The following VWA8 variants were observed in gnomAD, a reference collection of about 807,000 sequenced individuals.
VWA8 encodes von Willebrand factor A domain containing 8.
In VWA8, 221 loss-of-function variants were observed where a neutral mutation model predicts 241.5. That is an observed-to-expected ratio of 0.91 (90% CI 0.82 to 1.02). The LOEUF (loss-of-function observed/expected upper bound fraction) is 1.02, where lower values mean the gene tolerates loss of function less well. Among genes scored for constraint, VWA8 ranks in the 50% least tolerant of loss-of-function variants. The pLI, the probability that VWA8 is intolerant of heterozygous loss-of-function variation, is 0.00. For synonymous variants in VWA8, 852 were observed against 827.1 expected (o/e 1.03, Z -0.52); for missense variants, 2,322 against 2,328.7 (o/e 1.00, Z 0.06).
At chr13:41,949,794 T>C in intron 2 of VWA8, 142 bp downstream of exon 2, 2 of 456,884 alleles carry the variant, frequency 4.4e-6, no homozygotes, top group Non-Finnish European at 7.7e-6. Context: ...TAAAAGAAGA[T>C]TGGCATAATA....
intron 2 of VWA8, among the ~76,000 whole-genome samples, chr13:41,941,316 C>T (rs988283223): frequency 2.6e-5 from 4 of 152,142 alleles, no homozygotes; most frequent in Admixed American, 2.0e-4. Context: ...CTTCAGCTGA[C>T]CCCAGATATA....
intron 37 of VWA8, among the ~76,000 whole-genome samples, chr13:41,624,801 G>A (rs893309911): frequency 3.9e-5 from 6 of 151,954 alleles, no homozygotes; most frequent in Non-Finnish European, 5.9e-5. Context: ...CATTCCACGC[G>A]GCACTGGAAG....
intron 17 of VWA8, among the ~76,000 whole-genome samples, chr13:41,801,538 G>A (rs1479514325): frequency 6.6e-6 from 1 of 152,122 alleles, no homozygotes; most frequent in Non-Finnish European, 1.5e-5. Context: ...TAGATCATAT[G>A]AAAAGAGACG....
At chr13:41,692,696 T>C (rs1185429098) in intron 30 of VWA8, among the ~76,000 whole-genome samples, 166 bp downstream of exon 30, 3 of 152,134 alleles carry the variant, frequency 2.0e-5, no homozygotes, top group East Asian at 3.8e-4. Flanking sequence ...TATACACATA[T>C]CTATGGTTAT....
intron 14 of VWA8, among the ~76,000 whole-genome samples, chr13:41,823,077 A>T (rs566028004): frequency 1.3e-5 from 2 of 152,196 alleles, no homozygotes; most frequent in African/African-American, 4.8e-5. Context: ...TTGAAAATCA[A>T]ACACAAAGAC....
rs2044590531 is a variant in VWA8, at chr13:41,611,738, AGGAAAACGT to A, written c.4721-15_4721-7del. 6.2e-7 allele frequency: 1 copy of A among 1,613,576 alleles called. No homozygotes were observed. The highest frequency in any genetic ancestry group is 2.2e-5 in the East Asian group (1 of 44,862). On this transcript the variant is annotated splice_region_variant and splice_polypyrimidine_tract_variant and intron_variant, in intron 38 of 44. Transcript: ENST00000379310. ...GCCTGCCGTGTCTCTTCCCCCTGGA[AGGAAAACGT>A]GGAAATTCAGATGATAAATCTGAAC... is the stretch of plus-strand genomic sequence containing the variant.
chr13:41,900,930 T>C (rs1875395271), intron 4 of VWA8, among the ~76,000 whole-genome samples: 2 of 152,160 alleles, frequency 1.3e-5, no homozygotes, highest in Admixed American at 6.5e-5. Flanking sequence ...ATAGGTGACT[T>C]AGATTACTCA....
chr13:41,650,749 A>C (rs192618322), intron 37 of VWA8, among the ~76,000 whole-genome samples: 233 of 152,314 alleles, frequency 1.5e-3, no homozygotes, highest in African/African-American at 5.5e-3. Context: ...ACACATGTCA[A>C]AGTCAGAGAT....
At chr13:41,664,718 C>G (rs979525863) in intron 37 of VWA8, among the ~76,000 whole-genome samples, 9 of 152,068 alleles carry the variant, frequency 5.9e-5, no homozygotes, top group African/African-American at 2.2e-4. Flanking sequence ...CAGAACTACA[C>G]AGTATCTTCA....
At chr13:41,676,436 C>T (rs931645575) in intron 35 of VWA8, among the ~76,000 whole-genome samples, 8 of 152,068 alleles carry the variant, frequency 5.3e-5, no homozygotes, top group Non-Finnish European at 1.0e-4. Flanking sequence ...TTTCTTCAAC[C>T]GCCAAACATA....
intron 43 of VWA8, among the ~76,000 whole-genome samples, chr13:41,573,486 A>ATAAATAAATAT (rs1555303592): frequency 0.017 from 1,898 of 113,598 alleles, 75 homozygotes; most frequent in African/African-American, 0.06. Context: ...AAAAAAAAAA[A>ATAAATAAATAT]ATATATATAT....
chr13:41,811,149 C>T, intron 17 of VWA8, 76 bp downstream of exon 17: 1 of 1,246,124 alleles, frequency 8.0e-7, no homozygotes, highest in Admixed American at 1.8e-5. Flanking sequence ...TGGGAATATG[C>T]ACCATCAGTT....
At chr13:41,872,745 C>G (rs982185133) in intron 9 of VWA8, among the ~76,000 whole-genome samples, 8 of 152,086 alleles carry the variant, frequency 5.3e-5, no homozygotes, top group Non-Finnish European at 1.2e-4. Context: ...TAGTGTGATG[C>G]CTCCAGCTTT....
At chr13:41,772,647 T>C (rs2045833512) in intron 20 of VWA8, among the ~76,000 whole-genome samples, 1 of 152,324 alleles carries the variant, frequency 6.6e-6, no homozygotes, top group Non-Finnish European at 1.5e-5. Context: ...AAGGCAGCAG[T>C]TCTGCTGCAC....
intron 26 of VWA8, among the ~76,000 whole-genome samples, chr13:41,714,767 C>A (rs991541285): frequency 2.6e-5 from 4 of 151,918 alleles, no homozygotes; most frequent in African/African-American, 9.7e-5. Context: ...CGTGGTTACT[C>A]TTCACTTTGA....
At chr13:41,721,899 A>C (rs1033562340) in intron 24 of VWA8, among the ~76,000 whole-genome samples, 1 of 152,176 alleles carries the variant, frequency 6.6e-6, no homozygotes, top group Admixed American at 6.6e-5. Context: ...CCTCCCCAAA[A>C]AGCACTGAGT....
chr13:41,838,749 G>A (rs1871857301), intron 12 of VWA8, among the ~76,000 whole-genome samples: 1 of 151,832 alleles, frequency 6.6e-6, no homozygotes, highest in African/African-American at 2.4e-5. Context: ...CTAAAAAAAA[G>A]TTACAGGTGT....
At chr13:41,617,331 C>A (rs1033735238) in intron 37 of VWA8, among the ~76,000 whole-genome samples, 2 of 152,066 alleles carry the variant, frequency 1.3e-5, no homozygotes, top group African/African-American at 2.4e-5. Flanking sequence ...GTTGGCCAGG[C>A]TGGTCTTGAA....
At chr13:41,875,624 C>A (rs1313629168) in intron 9 of VWA8, among the ~76,000 whole-genome samples, 1 of 151,982 alleles carries the variant, frequency 6.6e-6, no homozygotes, top group African/African-American at 2.4e-5. Context: ...TCCTATTTAC[C>A]AAATTAAATA....
Sources: allele counts gnomAD v4.1 joint callset (sites outside exome capture counted in the v4.1 genomes callset), GRCh38; gene constraint gnomAD v4.1.1; transcripts MANE v1.5; gene names NCBI Gene and HGNC (gene_info 2026-07-23, HGNC 2026-07-21).